Variants in DYSF observed in about 807,000 individuals in gnomAD.
DYSF encodes dysferlin.
In DYSF, 212 loss-of-function variants were observed where a neutral mutation model predicts 274.9. That is an observed-to-expected ratio of 0.77 (90% confidence interval 0.69 to 0.86). The LOEUF (loss-of-function observed/expected upper bound fraction) is 0.86. Ranked by LOEUF, DYSF falls within the 40% of genes least tolerant of loss-of-function variation. The probability of loss-of-function intolerance (pLI) is 0.00; values close to 1 mark genes in which losing one functional copy is unlikely to be tolerated. For missense variants in DYSF, 2,666 were observed against 2,783.2 expected (o/e 0.96, Z 0.95); for synonymous variants, 1,091 against 1,078.7 (o/e 1.01, Z -0.22).
chr2:71,686,437 C>A lies in DYSF; in HGVS notation c.6322-17C>A. The A allele has an allele frequency of 6.2e-7, 1 of 1,613,984 alleles. No homozygotes were observed. The highest frequency in any genetic ancestry group is 8.5e-7 in the Non-Finnish European group (1 of 1,179,998). On this transcript the variant is annotated splice_polypyrimidine_tract_variant and intron_variant, in intron 55 of 55. Transcript: ENST00000410020. Reference sequence around the variant, plus strand: ...CAGTGGGATCACCATGGGTCCCTGTCTCCTCCCTCCCTCCAGAACTATGCT... The same window carrying A: ...CAGTGGGATCACCATGGGTCCCTGTATCCTCCCTCCCTCCAGAACTATGCT...
chr2:71,661,711 C>T (rs960700919), intron 45 of DYSF, among the ~76,000 whole-genome samples: 1 of 152,176 alleles, frequency 6.6e-6, no homozygotes, highest in African/African-American at 2.4e-5. Context: ...CTATTTCTCT[C>T]GCACCTGCAG....
At chr2:71,513,141 C>A in intron 5 of DYSF, 99 bp from the exon 6 acceptor site, 1 of 1,133,206 alleles carries the variant, frequency 8.8e-7, no homozygotes, top group Non-Finnish European at 1.3e-6. Flanking sequence ...CTGGGGTGGG[C>A]GGGGAAGGCA....
intron 54 of DYSF, among the ~76,000 whole-genome samples, chr2:71,681,941 C>T (rs778930401): frequency 1.3e-4 from 20 of 152,210 alleles, no homozygotes; most frequent in African/African-American, 3.4e-4. Context: ...AAGAGAGACC[C>T]GTGAGACACC....
chr2:71,511,640 C>G (rs560709274), intron 4 of DYSF, among the ~76,000 whole-genome samples, 167 bp from the exon 5 acceptor site: 1 of 152,306 alleles, frequency 6.6e-6, no homozygotes, highest in East Asian at 1.9e-4. Flanking sequence ...AACCACCTGA[C>G]TATGCTGATA....
At chr2:71,662,435 T>C (rs1169470217) in intron 45 of DYSF, among the ~76,000 whole-genome samples, 1 of 151,864 alleles carries the variant, frequency 6.6e-6, no homozygotes, top group African/African-American at 2.4e-5. Flanking sequence ...TGTGTGTATG[T>C]ATGTGTGTGT....
At chr2:71,514,038 C>T (rs2086388187) in intron 7 of DYSF, 117 bp downstream of exon 7, 4 of 1,213,922 alleles carry the variant, frequency 3.3e-6, no homozygotes, top group African/African-American at 1.5e-5. Context: ...CCTCAGGGCC[C>T]TCCTGTGGGG....
chr2:71,501,253 G>A (rs939631896), intron 3 of DYSF, among the ~76,000 whole-genome samples: 2 of 152,112 alleles, frequency 1.3e-5, no homozygotes, highest in East Asian at 3.9e-4. Flanking sequence ...CTTTCAGAAA[G>A]GGTTAGAAAA....
chr2:71,454,301 C>T (rs930441688), intron 1 of DYSF, among the ~76,000 whole-genome samples: 1 of 152,226 alleles, frequency 6.6e-6, no homozygotes, highest in African/African-American at 2.4e-5. Context: ...GGCGCTTCTC[C>T]TGGAAGCTTC....
chr2:71,653,992 C>T (rs189340532), intron 42 of DYSF, among the ~76,000 whole-genome samples: 12 of 152,132 alleles, frequency 7.9e-5, no homozygotes, highest in Admixed American at 5.9e-4. Flanking sequence ...AAGTGACAGA[C>T]TGGGACAAAC....
At position 71,628,223 on chromosome 2, in the gene DYSF, G is replaced by A. The variant is rs2094245750; in HGVS notation, c.4527+7614G>A. ...ATTTTAACATGGCATATTTAACTTA[G>A]CAAAGTCTAAATTTAATTGGTATTT... On this transcript the variant is annotated intron_variant, in intron 41 of 55. Coordinates refer to ENST00000410020, the MANE Select transcript of DYSF (RefSeq NM_001130987.2). 3.3e-5 allele frequency among the ~76,000 whole-genome samples: 5 copies of A among 151,624 alleles called. No homozygotes were observed. In the South Asian group the frequency reaches 1.0e-3, roughly 31 times the overall value.
intron 42 of DYSF, among the ~76,000 whole-genome samples, chr2:71,651,271 T>C (rs543862974): frequency 1.2e-4 from 19 of 152,082 alleles, no homozygotes; most frequent in Admixed American, 2.0e-4. Flanking sequence ...TTGGAATGAA[T>C]CAACTAAAAT....
intron 22 of DYSF, among the ~76,000 whole-genome samples, chr2:71,558,694 G>A (rs1488571075): frequency 6.6e-6 from 1 of 152,166 alleles, no homozygotes; most frequent in African/African-American, 2.4e-5. Context: ...CAGTTCTGGC[G>A]CCTTTGAGTC....
At chr2:71,610,592 G>T (rs775082814) in intron 36 of DYSF, among the ~76,000 whole-genome samples, 2 of 152,158 alleles carry the variant, frequency 1.3e-5, no homozygotes, top group Non-Finnish European at 2.9e-5. Flanking sequence ...ACACTTGCTC[G>T]TCTCTGTAGT....
rs796705736 is a variant in DYSF at position 71,565,246 on chromosome 2, C to CTTTTTTTTTTTTT, written c.2565+1039_2565+1051dup. 7.6e-3 allele frequency among the ~76,000 whole-genome samples: 998 copies of CTTTTTTTTTTTTT among 130,940 alleles called. 9 individuals carry two copies. The highest frequency in any genetic ancestry group is 0.021 in the Middle Eastern group (5 of 238). The allele number at this position is 130,940 out of a possible 152,430, so 85.9% of individuals were successfully genotyped here. On this transcript the variant is annotated intron_variant, in intron 24 of 55. Coordinates refer to ENST00000410020, the MANE Select transcript of DYSF (RefSeq NM_001130987.2). ...TAGGCGTTTGCCAACCCACCCAGCT[C>CTTTTTTTTTTTTT]TTTTTTTTTTTTTTTTTTAATTTTA...
At chr2:71,470,868 T>G (rs2081985610) in intron 1 of DYSF, among the ~76,000 whole-genome samples, 1 of 150,730 alleles carries the variant, frequency 6.6e-6, no homozygotes. Context: ...GTCGGCTCAT[T>G]GCAACCGCCG....
chr2:71,617,732 G>A (rs1427488185), intron 40 of DYSF, among the ~76,000 whole-genome samples: 1 of 149,262 alleles, frequency 6.7e-6, no homozygotes, highest in African/African-American at 2.5e-5. Flanking sequence ...GTGTGGTAGA[G>A]GTGGTGTGTG....
intron 3 of DYSF, among the ~76,000 whole-genome samples, chr2:71,499,445 TG>T (rs1484999188): frequency 6.6e-6 from 1 of 152,224 alleles, no homozygotes; most frequent in Non-Finnish European, 1.5e-5. Flanking sequence ...TAAGACCCAA[TG>T]TTTTAAAATA....
At chr2:71,492,408 G>C (rs1230044841) in intron 3 of DYSF, among the ~76,000 whole-genome samples, 3 of 152,184 alleles carry the variant, frequency 2.0e-5, no homozygotes, top group Non-Finnish European at 2.9e-5. Context: ...TCACTTTCCT[G>C]TCACCTGGCT....
Position 71,602,776 on chromosome 2 carries a change from G to A in DYSF, c.3928G>A (p.Val1310Met), listed in dbSNP as rs367635287. 2.5e-6 allele frequency: 4 copies of A among 1,613,194 alleles called. No homozygotes were observed. Among genetic ancestry groups the A allele is most frequent in the Non-Finnish European group, 3.4e-6 (4 of 1,179,872 alleles). ...PAIHHIPGFE[V>M]QETSRILDES... ...GCCACATCCCATGGCTGTGGGCCAG[G>A]TGCAGGAGACATCAAGGATCCTGGA... is the stretch of plus-strand genomic sequence containing the variant. The change falls in exon 36 of 56, where the codon GTG (valine) becomes ATG (methionine). Residue 1310 changes from valine (V) to methionine (M), a missense_variant and splice_region_variant. This residue lies in a region of DYSF where 1,460 missense variants were observed against 1,502.1 expected (regional missense o/e 0.97). Coordinates refer to ENST00000410020, the MANE Select transcript of DYSF (RefSeq NM_001130987.2).
Sources: allele counts gnomAD v4.1 joint callset (sites outside exome capture counted in the v4.1 genomes callset), GRCh38; gene constraint gnomAD v4.1.1; regional missense constraint gnomAD v4.1.1; transcripts MANE v1.5; gene names NCBI Gene and HGNC (gene_info 2026-07-23, HGNC 2026-07-21).